Variants in L3MBTL3 observed in about 807,000 individuals in gnomAD.
The protein encoded by L3MBTL3 is L3MBTL histone methyl-lysine binding protein 3, also known as lethal(3)malignant brain tumor-like protein 3.
In L3MBTL3, 27 loss-of-function variants were observed where a neutral mutation model predicts 102.3. The ratio of observed to expected loss-of-function variants is 0.26; its 90% confidence interval spans 0.19 to 0.36. The LOEUF is 0.36. Among genes scored for constraint, L3MBTL3 ranks in the 10% least tolerant of loss-of-function variants. The probability of loss-of-function intolerance (pLI) is 1.00; values close to 1 mark genes in which losing one functional copy is unlikely to be tolerated. For missense variants in L3MBTL3, 798 were observed against 955.3 expected (o/e 0.84, Z 2.17); for synonymous variants, 340 against 320.9 (o/e 1.06, Z -0.64).
At chr6:130,127,704 T>G (rs1786708304) in intron 20 of L3MBTL3, among the ~76,000 whole-genome samples, 1 of 152,206 alleles carries the variant, frequency 6.6e-6, no homozygotes, top group Non-Finnish European at 1.5e-5. Context: ...TCTTCTGATA[T>G]TAACGAGACC....
intron 13 of L3MBTL3, 92 bp downstream of exon 13, chr6:130,071,219 A>G: frequency 8.6e-7 from 1 of 1,158,622 alleles, no homozygotes; most frequent in Non-Finnish European, 1.2e-6. Flanking sequence ...TTATAACAAA[A>G]AAAAGCAGTG....
chr6:130,104,120 T>C (rs994608083), intron 18 of L3MBTL3, among the ~76,000 whole-genome samples: 2 of 152,238 alleles, frequency 1.3e-5, no homozygotes, highest in Admixed American at 6.5e-5. Context: ...AGCATTTCTT[T>C]CTTGGGGCTG....
chr6:130,054,489 C>T (rs911158054), intron 7 of L3MBTL3, among the ~76,000 whole-genome samples: 8 of 152,042 alleles, frequency 5.3e-5, no homozygotes, highest in East Asian at 3.9e-4. Flanking sequence ...GATGGAAGTC[C>T]GTGGATTTGG....
rs1454789807 is a variant in L3MBTL3, at chr6:130,078,594, T to C, written c.1281T>C (p.Gly427=). The part of the protein sequence containing the change: ...EASSPHIHPV[G]WCKEHRRTLI... The stretch of plus-strand genomic sequence containing the variant: ...CAAGTCCACATATTCATCCAGTTGG[T>C]TGGTGTAAGGAACATAGAAGAACCC... Residue 427 remains glycine, a synonymous_variant, in exon 14 of 23, where the codon GGT becomes GGC. Transcript: ENST00000361794. The C allele has an allele frequency of 7.4e-6, 12 of 1,612,506 alleles. No individual in the cohort carries two copies. The highest frequency in any genetic ancestry group is 6.7e-5 in the East Asian group (3 of 44,836).
rs1165887571 is a variant in L3MBTL3 at position 130,084,342 on chromosome 6, A to G, written c.1407+637A>G. Among the ~76,000 whole-genome samples, 3 of 152,172 alleles carry G rather than the reference A, an allele frequency of 2.0e-5. No individual in the cohort carries two copies. The East Asian group carries it at 5.8e-4, about 29-fold the overall frequency. On this transcript the variant is annotated intron_variant, in intron 15 of 22. Transcript: ENST00000361794. ...TAGATTTCTCATGAATTTAACAGAA[A>G]AGAAAAATATATCAAATATTTATTT...
At chr6:130,100,082 A>G (rs1294355329) in intron 18 of L3MBTL3, among the ~76,000 whole-genome samples, 2 of 152,202 alleles carry the variant, frequency 1.3e-5, no homozygotes, top group African/African-American at 4.8e-5. Context: ...TCCTAATGTA[A>G]TTCCATCAGG....
intron 9 of L3MBTL3, among the ~76,000 whole-genome samples, chr6:130,059,494 T>C (rs1419519517): frequency 6.6e-6 from 1 of 152,262 alleles, no homozygotes; most frequent in East Asian, 1.9e-4. Flanking sequence ...ATGTATACTT[T>C]CAAATCTTTT....
intron 13 of L3MBTL3, among the ~76,000 whole-genome samples, chr6:130,076,420 C>T (rs769237260): frequency 2.6e-5 from 4 of 152,112 alleles, no homozygotes; most frequent in Non-Finnish European, 5.9e-5. Context: ...AAATGAGGAT[C>T]TTCATGTCTC....
rs1782399252 is a variant in L3MBTL3 at position 130,068,313 on chromosome 6, A to G, written c.1001-17A>G. On this transcript the variant is annotated splice_polypyrimidine_tract_variant and intron_variant, in intron 11 of 22. Transcript: ENST00000361794. ...TTGTGGTATTTGAATCAATCTGTTC[A>G]TATGTGCTTACTCTAGGGTATAAAG... 6 of 1,393,808 alleles carry G rather than the reference A, an allele frequency of 4.3e-6. No individual in the cohort carries two copies. The highest frequency in any genetic ancestry group is 1.4e-5 in the African/African-American group (1 of 70,622). 86.3% of individuals were successfully genotyped at this position (1,393,808 alleles called of 1,614,324 possible).
At chr6:130,064,686 A>G (rs1782129082) in intron 10 of L3MBTL3, among the ~76,000 whole-genome samples, 1 of 152,050 alleles carries the variant, frequency 6.6e-6, no homozygotes, top group African/African-American at 2.4e-5. Context: ...TCCTGTGTCT[A>G]TGGGAGGTAG....
chr6:130,096,296 A>G lies in L3MBTL3; in HGVS notation c.1736+1929A>G, dbSNP rs545762960. On this transcript the variant is annotated intron_variant, in intron 18 of 22. Transcript: ENST00000361794. ...AAAGAATTCACAGGCTGATGGAGCT[A>G]TAAAAGCTGGACATAATTTAATTAA... Among the ~76,000 whole-genome samples the G allele has an allele frequency of 7.2e-5, 11 of 152,362 alleles. No homozygotes were observed. In the South Asian group the frequency reaches 2.3e-3, roughly 32 times the overall value.
chr6:130,128,899 C>G (rs7759696), intron 20 of L3MBTL3, among the ~76,000 whole-genome samples: 2,988 of 152,256 alleles, frequency 0.02, 97 homozygotes, highest in African/African-American at 0.068. Context: ...TCCATCCGAT[C>G]TATCCAGAGA....
At chr6:130,124,834 G>A (rs996808507) in intron 20 of L3MBTL3, among the ~76,000 whole-genome samples, 14 of 152,126 alleles carry the variant, frequency 9.2e-5, no homozygotes, top group African/African-American at 3.4e-4. Flanking sequence ...GCCGGGCATG[G>A]TGGCTCATGG....
At chr6:130,056,906 C>G (rs982989301) in intron 8 of L3MBTL3, among the ~76,000 whole-genome samples, 2 of 152,148 alleles carry the variant, frequency 1.3e-5, no homozygotes, top group African/African-American at 4.8e-5. Context: ...TCAAATTAAT[C>G]CAAAATATAT....
intron 16 of L3MBTL3, among the ~76,000 whole-genome samples, chr6:130,088,177 T>C (rs1415676963): frequency 6.6e-6 from 1 of 152,122 alleles, no homozygotes; most frequent in African/African-American, 2.4e-5. Context: ...ATACTGGCTG[T>C]GAGGGGTACA....
intron 18 of L3MBTL3, 147 bp downstream of exon 18, chr6:130,094,514 A>G: frequency 2.2e-6 from 1 of 456,738 alleles, no homozygotes; most frequent in South Asian, 7.1e-5. Context: ...TCATGTAAAA[A>G]TGAAGGGAAT....
intron 6 of L3MBTL3, 66 bp from the exon 7 acceptor site, chr6:130,052,793 A>C: frequency 6.6e-7 from 1 of 1,522,844 alleles, no homozygotes; most frequent in Non-Finnish European, 8.8e-7. Context: ...TTGCATTGAT[A>C]ATCAACAAGT....
Position 130,053,046 on chromosome 6 carries a change from A to T in L3MBTL3, c.582+55A>T. The T allele has an allele frequency of 2.2e-6, 3 of 1,372,540 alleles. 1 individual carries two copies. In the South Asian group the frequency reaches 3.6e-5, roughly 16 times the overall value. The allele number at this position is 1,372,540 out of a possible 1,614,324, so 85.0% of individuals were successfully genotyped here. ...CAGGGATGCATCTTTAGTGGGTAGC[A>T]TCACAGTCACAAGCACTGCTCTGGA... On this transcript the variant is annotated intron_variant, in intron 7 of 22. Transcript: ENST00000361794.
rs115538115 is a variant in L3MBTL3 at position 130,041,317 on chromosome 6, C to T, written c.-15-1368C>T. Among the ~76,000 whole-genome samples the T allele has an allele frequency of 3.5e-3, 533 of 152,210 alleles. 7 individuals are homozygous for T. Among genetic ancestry groups the T allele is most frequent in the African/African-American group, 0.012 (497 of 41,530 alleles). ...TTGGGTTTGCATTCCTGGCAGCCAT[C>T]GATGGTTGTTGCCTAGAACCATTAA... On this transcript the variant is annotated intron_variant, in intron 2 of 22. Transcript: ENST00000361794.
Sources: allele counts gnomAD v4.1 joint callset (sites outside exome capture counted in the v4.1 genomes callset), GRCh38; gene constraint gnomAD v4.1.1; transcripts MANE v1.5; gene names NCBI Gene and HGNC (gene_info 2026-07-23, HGNC 2026-07-21).